The following RAD54L2 variants were observed in gnomAD, a reference collection of about 807,000 sequenced individuals.
The protein encoded by RAD54L2 is helicase ARIP4.
Under a neutral mutation model 138.4 loss-of-function variants are expected in RAD54L2, and 27 were observed. That is an observed-to-expected ratio of 0.20 (90% CI 0.14 to 0.27). The LOEUF (loss-of-function observed/expected upper bound fraction) is 0.27. Ranked by LOEUF, RAD54L2 falls within the 10% of genes least tolerant of loss-of-function variation. The probability of loss-of-function intolerance (pLI) is 1.00; values close to 1 mark genes in which losing one functional copy is unlikely to be tolerated. For missense variants in RAD54L2, 1,396 were observed against 1,890.2 expected (o/e 0.74, Z 4.85); for synonymous variants, 644 against 723.2 (o/e 0.89, Z 1.76).
chr3:51,633,338 G>T (rs780722655), intron 7 of RAD54L2, among the ~76,000 whole-genome samples: 1 of 152,172 alleles, frequency 6.6e-6, no homozygotes, highest in Non-Finnish European at 1.5e-5. Flanking sequence ...TGACACTACC[G>T]ATTCATGCAT....
chr3:51,632,185 A>C (rs930034590), intron 7 of RAD54L2, among the ~76,000 whole-genome samples: 8 of 152,212 alleles, frequency 5.3e-5, no homozygotes, highest in Non-Finnish European at 1.2e-4. Flanking sequence ...ATAATATTCC[A>C]TTGTGCATAG....
At position 51,664,160 on chromosome 3, in the gene RAD54L2, T is replaced by A. The variant is rs1701863935; in HGVS notation, c.*740T>A. The stretch of plus-strand genomic sequence containing the variant: ...TGGAAATAACAAGTTTCCTTCGGGA[T>A]GGGTGAAGAGAAGGCCCAGCTAACT... On this transcript the variant is annotated 3_prime_UTR_variant, in exon 23 of 23. Transcript: ENST00000684192. 6.6e-6 allele frequency: 1 copy of A among 152,142 alleles called. No homozygotes were observed. Among genetic ancestry groups the A allele is most frequent in the Non-Finnish European group, 1.5e-5 (1 of 68,010 alleles). 9.4% of individuals were successfully genotyped at this position (152,142 alleles called of 1,614,324 possible).
At chr3:51,624,261 C>G (rs1332412391) in intron 3 of RAD54L2, among the ~76,000 whole-genome samples, 1 of 132,848 alleles carries the variant, frequency 7.5e-6, no homozygotes, top group Admixed American at 8.2e-5. Flanking sequence ...TAGACAGGGT[C>G]TTGCTCTGTT....
chr3:51,657,607 C>G lies in RAD54L2; in HGVS notation c.3254C>G (p.Ser1085Cys), dbSNP rs765700285. 2.5e-6 allele frequency: 4 copies of G among 1,583,150 alleles called. No individual in the cohort carries two copies. Among genetic ancestry groups the G allele is most frequent in the East Asian group, 2.3e-5 (1 of 43,984 alleles). Residue 1085 changes from serine (S) to cysteine (C), a missense_variant, in exon 21 of 23, where the codon TCC becomes TGC. By Grantham distance (112) the Ser-to-Cys change is moderately radical. Coordinates refer to ENST00000684192, the MANE Select transcript of RAD54L2 (RefSeq NM_015106.4). ...TDIVIPGLNS[S>C]TDVQARINAG... ...ATTGTTATTCCTGGACTCAACAGCT[C>G]CACAGATGTACAGGCAAGAATTAAT...
Position 51,627,731 on chromosome 3 carries a change from C to T in RAD54L2, c.318C>T (p.Pro106=), listed in dbSNP as rs1373620291. The change falls in exon 4 of 23, where the codon CCC becomes CCT. Residue 106 remains proline, a synonymous_variant. Coordinates refer to ENST00000684192, the MANE Select transcript of RAD54L2 (RefSeq NM_015106.4). ...EDPKKKRAQK[P]SHMRRNIRKL... is the part of the protein sequence containing the mutation. ...CCAAAAAGAAGAGAGCTCAGAAGCC[C>T]TCCCACATGAGAAGAAACATACGGT... is the stretch of plus-strand genomic sequence containing the variant. 4 of 1,613,924 alleles carry T rather than the reference C, an allele frequency of 2.5e-6. No individual in the cohort carries two copies. Among genetic ancestry groups the T allele is most frequent in the Non-Finnish European group, 3.4e-6 (4 of 1,179,884 alleles).
At chr3:51,550,363 T>A (rs1333135008) in intron 2 of RAD54L2, among the ~76,000 whole-genome samples, 2 of 152,192 alleles carry the variant, frequency 1.3e-5, no homozygotes, top group African/African-American at 4.8e-5. Context: ...GTCCTTGACC[T>A]TTTTTCCCTG....
chr3:51,663,592 GGCA>G lies in RAD54L2; in HGVS notation c.*173_*175del. On this transcript the variant is annotated 3_prime_UTR_variant, in exon 23 of 23. Coordinates refer to ENST00000684192, the MANE Select transcript of RAD54L2 (RefSeq NM_015106.4). ...AGCTCTGTTGCTGTTTAACAAAAGA[GGCA>G]AAAAAAAAAAAAAAAAAAAAAAAGT... The G allele has an allele frequency of 3.0e-5, 3 of 101,186 alleles. No homozygotes were observed. Among genetic ancestry groups the G allele is most frequent in the Admixed American group, 1.4e-4 (1 of 7,056 alleles). The allele number at this position is 101,186 out of a possible 1,614,324, so 6.3% of individuals were successfully genotyped here.
chr3:51,660,211 A>G (rs145162861), intron 22 of RAD54L2, 93 bp downstream of exon 22: 1 of 931,922 alleles, frequency 1.1e-6, no homozygotes, highest in Non-Finnish European at 1.7e-6. Context: ...AATAGATAAT[A>G]TGTACATGGT....
At chr3:51,631,481 T>C (rs559962035) in intron 7 of RAD54L2, among the ~76,000 whole-genome samples, 21 of 149,734 alleles carry the variant, frequency 1.4e-4, no homozygotes, top group Middle Eastern at 6.8e-3. Flanking sequence ...GCTGGGACTA[T>C]AGGCCTATAC....
At position 51,637,211 on chromosome 3, in the gene RAD54L2, G is replaced by T; in HGVS notation, c.1390G>T (p.Glu464Ter). ...TGGCCCTGATGTAGTAATCTGTGATGAGGGACACCGCATCAAAAACTGCCA... is the reference window on the plus strand; with the variant it reads ...TGGCCCTGATGTAGTAATCTGTGATTAGGGACACCGCATCAAAAACTGCCA... ...RPGPDVVICD[E>*]GHRIKNCQAS... The change falls in exon 11 of 23, where the codon GAG becomes TAG. Residue 464 changes from glutamate (E) to a stop codon, truncating the protein, a stop_gained. Coordinates refer to ENST00000684192, the MANE Select transcript of RAD54L2 (RefSeq NM_015106.4). LOFTEE classifies it high-confidence loss of function. The surrounding 1 kb of genome is among the most constrained non-coding windows in gnomAD (Gnocchi z 5.9). The T allele has an allele frequency of 6.3e-7, 1 of 1,594,840 alleles. No homozygotes were observed. Among genetic ancestry groups the T allele is most frequent in the Non-Finnish European group, 8.5e-7 (1 of 1,170,608 alleles).
At position 51,601,612 on chromosome 3, in the gene RAD54L2, TTTA is replaced by T. The variant is rs1700083121; in HGVS notation, c.139+11055_139+11057del. On this transcript the variant is annotated intron_variant, in intron 3 of 22. Transcript: ENST00000684192. ...TGAGCCACCGCGCCCGGGCTAATTTTTTATATTTTTTAGTAGAGACGGGGTTTC... is the reference window on the plus strand; with the variant it reads ...TGAGCCACCGCGCCCGGGCTAATTTTTATTTTTTAGTAGAGACGGGGTTTC... Among the ~76,000 whole-genome samples, 8 of 152,044 alleles carry T rather than the reference TTTA, an allele frequency of 5.3e-5. No individual in the cohort carries two copies. The South Asian group carries it at 1.7e-3, about 32-fold the overall frequency.
chr3:51,598,175 G>A (rs201224558), intron 3 of RAD54L2, among the ~76,000 whole-genome samples: 105 of 143,176 alleles, frequency 7.3e-4, no homozygotes, highest in East Asian at 5.4e-3. Flanking sequence ...GTGTGTGTGT[G>A]TGTATATATA....
Position 51,566,466 on chromosome 3 carries a change from GTTTTTTTTTTTTT to G in RAD54L2, c.-54-23883_-54-23871del, listed in dbSNP as rs71084149. ...TGAATTTTATCACAGCCTTTTCTGCGTTTTTTTTTTTTTTTTTTTTTTTTTTTTTTAATGACAG... is the reference window on the plus strand; with the variant it reads ...TGAATTTTATCACAGCCTTTTCTGCGTTTTTTTTTTTTTTTTTAATGACAG... On this transcript the variant is annotated intron_variant, in intron 2 of 22. Coordinates refer to ENST00000684192, the MANE Select transcript of RAD54L2 (RefSeq NM_015106.4). Among the ~76,000 whole-genome samples the G allele has an allele frequency of 6.0e-4, 19 of 31,532 alleles. No homozygotes were observed. The East Asian group carries it at 7.1e-3, about 12-fold the overall frequency. 20.7% of individuals were successfully genotyped at this position (31,532 alleles called of 152,430 possible).
intron 3 of RAD54L2, among the ~76,000 whole-genome samples, chr3:51,615,670 T>G (rs1287833012): frequency 2.6e-5 from 4 of 152,082 alleles, no homozygotes. Context: ...ATTACTAAAA[T>G]TGGTAAGATC....
chr3:51,590,683 A>T (rs1262027403), intron 3 of RAD54L2, 124 bp downstream of exon 3: 69 of 1,280,868 alleles, frequency 5.4e-5, no homozygotes, highest in Middle Eastern at 1.9e-4. Context: ...GATACAGACT[A>T]GGAACTGAGA....
chr3:51,624,559 T>A (rs1345288646), intron 3 of RAD54L2, among the ~76,000 whole-genome samples: 2 of 152,064 alleles, frequency 1.3e-5, no homozygotes, highest in Non-Finnish European at 2.9e-5. Flanking sequence ...ACTTGGCCTG[T>A]TTTAGTTCTT....
At chr3:51,583,312 C>T (rs1016746749) in intron 2 of RAD54L2, among the ~76,000 whole-genome samples, 1 of 152,106 alleles carries the variant, frequency 6.6e-6, no homozygotes, top group Non-Finnish European at 1.5e-5. Context: ...AAAAACGAGC[C>T]TCACACAGAA....
At chr3:51,564,858 T>C (rs1252668847) in intron 2 of RAD54L2, among the ~76,000 whole-genome samples, 7 of 152,246 alleles carry the variant, frequency 4.6e-5, no homozygotes, top group Non-Finnish European at 8.8e-5. Context: ...GTCACAGCTT[T>C]GCAGGAGCAT....
Position 51,633,866 on chromosome 3 carries a change from C to T in RAD54L2, c.1009-36C>T, listed in dbSNP as rs531798001. ...GATGAGCTCAGCTCTGAGTTTGTTCCATAAAACTCTCTTTTTGGACTTGGC... is the reference window on the plus strand; with the variant it reads ...GATGAGCTCAGCTCTGAGTTTGTTCTATAAAACTCTCTTTTTGGACTTGGC... On this transcript the variant is annotated intron_variant, in intron 8 of 22. Transcript: ENST00000684192. 3.7e-6 allele frequency: 6 copies of T among 1,608,052 alleles called. No individual in the cohort carries two copies. The South Asian group carries it at 6.6e-5, about 18-fold the overall frequency.
Sources: gnomAD v4.1 joint callset for allele counts (sites outside exome capture counted in the v4.1 genomes callset) on GRCh38, gnomAD v4.1.1 for gene constraint, Gnocchi (gnomAD v3.1) non-coding constraint, MANE v1.5 for transcripts, NCBI Gene and HGNC (gene_info 2026-07-23, HGNC 2026-07-21) for gene names.